MTUS2: variants seen among roughly 807,000 people sequenced by gnomAD.
MTUS2 encodes microtubule-associated tumor suppressor candidate 2.
Under a neutral mutation model 114.1 loss-of-function variants are expected in MTUS2, and 40 were observed. The ratio of observed to expected loss-of-function variants is 0.35; its 90% CI spans 0.27 to 0.46. MTUS2 has a LOEUF of 0.46. Among genes scored for constraint, MTUS2 ranks in the 20% least tolerant of loss-of-function variants. MTUS2 has a pLI of 1.00. For missense variants in MTUS2, 1,679 were observed against 1,705.4 expected (o/e 0.98, Z 0.27); for synonymous variants, 688 against 672.0 (o/e 1.02, Z -0.37).
chr13:29,292,599 G>A (rs17073170), intron 6 of MTUS2, among the ~76,000 whole-genome samples: 6,572 of 152,018 alleles, frequency 0.043, 153 homozygotes, highest in East Asian at 0.086. Flanking sequence ...AGGAGTTCAC[G>A]GTACGATGGA....
At chr13:29,314,326 A>T (rs926651586) in intron 6 of MTUS2, among the ~76,000 whole-genome samples, 6 of 152,222 alleles carry the variant, frequency 3.9e-5, no homozygotes, top group Admixed American at 2.6e-4. Context: ...GAGAATTAGC[A>T]ATATATACAT....
intron 7 of MTUS2, among the ~76,000 whole-genome samples, chr13:29,325,830 G>A (rs1022789037): frequency 6.6e-6 from 1 of 152,220 alleles, no homozygotes; most frequent in Admixed American, 6.5e-5. Context: ...TGAGGAAAGT[G>A]AGGCACAGAC....
intron 2 of MTUS2, among the ~76,000 whole-genome samples, chr13:28,945,455 A>G (rs896675049): frequency 2.0e-5 from 3 of 152,160 alleles, no homozygotes; most frequent in East Asian, 3.9e-4. Context: ...CTGGCAGTGT[A>G]TAAGTGTTTC....
chr13:29,091,117 A>G (rs1006728691), intron 4 of MTUS2, among the ~76,000 whole-genome samples: 7 of 151,566 alleles, frequency 4.6e-5, no homozygotes, highest in Middle Eastern at 3.4e-3. Flanking sequence ...TCCTTCCTCT[A>G]TTGATTCTGG....
chr13:29,113,297 T>A (rs552502966), intron 5 of MTUS2, among the ~76,000 whole-genome samples: 1 of 152,298 alleles, frequency 6.6e-6, no homozygotes, highest in African/African-American at 2.4e-5. Context: ...CACCAGCCAC[T>A]AAGGGACTCC....
chr13:29,411,901 G>A (rs185292991), intron 8 of MTUS2, among the ~76,000 whole-genome samples: 45 of 152,256 alleles, frequency 3.0e-4, no homozygotes, highest in African/African-American at 1.0e-3. Context: ...TGCATATGAA[G>A]GCTATTGATT....
intron 5 of MTUS2, among the ~76,000 whole-genome samples, chr13:29,244,983 T>TAAAAAAAAAAAAAAA (rs1156962360): frequency 8.1e-5 from 8 of 98,592 alleles, no homozygotes; most frequent in East Asian, 7.1e-4. Context: ...AAAAAAAAAG[T>TAAAAAAAAAAAAAAA]AAAAGTCTGT....
chr13:28,982,510 C>T lies in MTUS2; in HGVS notation c.-242-41947C>T, dbSNP rs569723483. ...GAATTATCATCTGATCCTGCAATCT[C>T]ACTTCTGGGTTTGTATCCAAAAGCA... On this transcript the variant is annotated intron_variant, in intron 2 of 15. Transcript: ENST00000612955. Among the ~76,000 whole-genome samples, 32 of 152,308 alleles carry T rather than the reference C, an allele frequency of 2.1e-4. No individual in the cohort carries two copies. The South Asian group carries it at 6.6e-3, about 32-fold the overall frequency.
At chr13:29,493,442 C>A (rs757774999) in intron 12 of MTUS2, among the ~76,000 whole-genome samples, 1 of 152,164 alleles carries the variant, frequency 6.6e-6, no homozygotes, top group Non-Finnish European at 1.5e-5. Flanking sequence ...ATTCCAATCA[C>A]AGCAAAATTA....
chr13:28,901,262 A>G (rs1239934830), intron 2 of MTUS2, among the ~76,000 whole-genome samples: 2 of 152,176 alleles, frequency 1.3e-5, no homozygotes, highest in African/African-American at 2.4e-5. Flanking sequence ...TCTGGATAGT[A>G]ATTCATTTTC....
At chr13:29,313,904 T>G (rs1899878898) in intron 6 of MTUS2, among the ~76,000 whole-genome samples, 1 of 152,086 alleles carries the variant, frequency 6.6e-6, no homozygotes, top group African/African-American at 2.4e-5. Context: ...GAGAAATGCC[T>G]TAGCATTTCT....
At chr13:29,208,353 C>G (rs896244138) in intron 5 of MTUS2, among the ~76,000 whole-genome samples, 1 of 151,942 alleles carries the variant, frequency 6.6e-6, no homozygotes, top group African/African-American at 2.4e-5. Flanking sequence ...AATGGTCTAT[C>G]AATTTTGTTT....
chr13:29,157,456 A>T (rs1051674188), intron 5 of MTUS2, among the ~76,000 whole-genome samples: 5 of 152,278 alleles, frequency 3.3e-5, no homozygotes, highest in East Asian at 1.9e-4. Flanking sequence ...TTAGAATTTG[A>T]TTCAGTTTAG....
chr13:28,875,265 T>C (rs753421202), intron 2 of MTUS2, among the ~76,000 whole-genome samples: 22 of 151,976 alleles, frequency 1.4e-4, no homozygotes, highest in South Asian at 1.2e-3. Flanking sequence ...ATACTGTTGG[T>C]TCTTGATTAG....
At chr13:28,909,349 A>G (rs1396366841) in intron 2 of MTUS2, among the ~76,000 whole-genome samples, 2 of 147,734 alleles carry the variant, frequency 1.4e-5, no homozygotes, top group Non-Finnish European at 2.9e-5. Context: ...ATTTGTTTGT[A>G]TCCTCTTTTA....
At chr13:29,117,623 A>G (rs538751007) in intron 5 of MTUS2, among the ~76,000 whole-genome samples, 1 of 152,340 alleles carries the variant, frequency 6.6e-6, no homozygotes, top group East Asian at 1.9e-4. Context: ...TAAGTGGGAC[A>G]GGAAAGCGGC....
chr13:28,925,861 C>G (rs935246784), intron 2 of MTUS2, among the ~76,000 whole-genome samples: 1 of 152,096 alleles, frequency 6.6e-6, no homozygotes, highest in East Asian at 1.9e-4. Context: ...GATGGTTGCT[C>G]TTATTATGAA....
chr13:29,287,231 T>C (rs1314708407), intron 6 of MTUS2, among the ~76,000 whole-genome samples: 1 of 152,210 alleles, frequency 6.6e-6, no homozygotes, highest in African/African-American at 2.4e-5. Context: ...GAATTCCATC[T>C]GTGGGCTGCA....
intron 9 of MTUS2, among the ~76,000 whole-genome samples, chr13:29,458,349 G>A (rs1306434413): frequency 6.6e-6 from 1 of 152,186 alleles, no homozygotes; most frequent in Non-Finnish European, 1.5e-5. Context: ...TATTTTAAAA[G>A]TGCTGTTCTT....
Sources: gnomAD v4.1 joint callset for allele counts (sites outside exome capture counted in the v4.1 genomes callset) on GRCh38, gnomAD v4.1.1 for gene constraint, MANE v1.5 for transcripts, NCBI Gene and HGNC (gene_info 2026-07-23, HGNC 2026-07-21) for gene names.